Variants in SFTPA2 observed in about 807,000 individuals in gnomAD.
The protein encoded by SFTPA2 is surfactant protein A2.
Under a neutral mutation model 20.3 loss-of-function variants are expected in SFTPA2, and 21 were observed. That is an observed-to-expected ratio of 1.03 (90% CI 0.73 to 1.49). The LOEUF is 1.49. SFTPA2 is among the 40% of genes most tolerant of loss of function. The pLI, the probability that SFTPA2 is intolerant of heterozygous loss-of-function variation, is 0.00. For synonymous variants in SFTPA2, 116 were observed against 118.7 expected, an observed-to-expected ratio of 0.98 and a Z score of 0.15; for missense variants, 302 against 314.8, an observed-to-expected ratio of 0.96 and a Z score of 0.31.
Position 79,559,325 on chromosome 10 carries a change from G to T in SFTPA2, c.159C>A (p.Asp53Glu). 1 of 1,613,846 alleles carries T rather than the reference G, an allele frequency of 6.2e-7. No homozygotes were observed. Among genetic ancestry groups the T allele is most frequent in the East Asian group, 2.2e-5 (1 of 44,866 alleles). The change falls in exon 3 of 6, where the codon GAC (aspartate) becomes GAA (glutamate). Residue 53 changes from aspartate (D) to glutamate (E), a missense_variant. Coordinates refer to ENST00000372325, the MANE Select transcript of SFTPA2 (RefSeq NM_001098668.4). ...GCAGCACAGTACCTGGAGGGCCAGGGTCTCCTTTGACACCATCTCTCCCGT... is the reference window on the plus strand; with the variant it reads ...GCAGCACAGTACCTGGAGGGCCAGGTTCTCCTTTGACACCATCTCTCCCGT... ...GRDGRDGVKG[D>E]PGPPGPMGPP...
At chr10:79,558,230 T>C (rs1858921448) in intron 4 of SFTPA2, 101 bp from the exon 5 acceptor site, 3 of 1,607,118 alleles carry the variant, frequency 1.9e-6, no homozygotes, top group Non-Finnish European at 2.6e-6. Flanking sequence ...AACTCTGCCC[T>C]TTCATTGCTG....
At chr10:79,559,752 G>A in intron 2 of SFTPA2, 1 of 1,529,380 alleles carries the variant, frequency 6.5e-7, no homozygotes, top group Non-Finnish European at 8.8e-7. Flanking sequence ...GAAGAGTAAG[G>A]AGCTCTGGGG....
Position 79,557,439 on chromosome 10 carries a change from C to T in SFTPA2, c.517G>A (p.Ala173Thr). The change falls in exon 6 of 6, where the codon GCC (alanine) becomes ACC (threonine). Residue 173 changes from alanine to threonine, a missense_variant. Physicochemically the swap from Ala to Thr is moderately conservative, Grantham distance 58. Transcript: ENST00000372325. Reference protein sequence around the residue: ...AVPRNPEENEAIASFVKKYNT... With the variant: ...AVPRNPEENETIASFVKKYNT... ...TACTTCTTCACGAAGCTTGCAATGG[C>T]CTCATTTTCCTCTGGATTCCTTGGG... 6.2e-7 allele frequency: 1 copy of T among 1,613,862 alleles called. No homozygotes were observed. The highest frequency in any genetic ancestry group is 8.5e-7 in the Non-Finnish European group (1 of 1,179,838).
chr10:79,558,776 A>G (rs1858971420), intron 4 of SFTPA2, 110 bp downstream of exon 4: 1 of 1,584,248 alleles, frequency 6.3e-7, no homozygotes, highest in South Asian at 1.1e-5. Context: ...GGTTGAGCCA[A>G]ATGCCCTTGG....
rs757567925 is a variant in SFTPA2 at position 79,558,126 on chromosome 10, A to C, written c.296T>G (p.Leu99Arg). 2 of 1,613,840 alleles carry C rather than the reference A, an allele frequency of 1.2e-6. No individual in the cohort carries two copies. ...GAGCTCCTCATCTAGATGAGCTGGA[A>C]GCCCTGTGGAGAGTGCCCCACACAG... ...GEAGERGPPG[L>R]PAHLDEELQA... Residue 99 changes from leucine to arginine, a missense_variant, in exon 5 of 6, where the codon CTT (leucine) becomes CGT (arginine). Leu to Arg is a moderately radical substitution (Grantham distance 102, BLOSUM62 -2). Around this residue, in one of 3 missense-constraint regions of SFTPA2, gnomAD observed 264 missense variants for 261.7 expected, o/e 1.01. Transcript: ENST00000372325.
chr10:79,559,762 G>T, intron 2 of SFTPA2: 9 of 1,519,928 alleles, frequency 5.9e-6, no homozygotes, highest in Non-Finnish European at 7.9e-6. Context: ...GAGCTCTGGG[G>T]AGCCCAGGGA....
chr10:79,557,584 G>C lies in SFTPA2; in HGVS notation c.372C>G (p.Ala124=). 1 of 1,604,148 alleles carries C rather than the reference G, an allele frequency of 6.2e-7. No homozygotes were observed. The highest frequency in any genetic ancestry group is 2.2e-5 in the East Asian group (1 of 44,612). Reference sequence around the variant, plus strand: ...TCATTATGGAGCCCTGCAGACTGAGGGCTGAGAGCAGAGGAGTCCAGGTCA... The same window carrying C: ...TCATTATGGAGCCCTGCAGACTGAGCGCTGAGAGCAGAGGAGTCCAGGTCA... The part of the protein sequence containing the change: ...FRHQILQTRG[A]LSLQGSIMTV... Residue 124 remains alanine, a splice_region_variant and synonymous_variant, in exon 6 of 6, where the codon GCC becomes GCG. Coordinates refer to ENST00000372325, the MANE Select transcript of SFTPA2 (RefSeq NM_001098668.4).
In SFTPA2 at chr10:79,556,720, A is replaced by G. The variant is rs867821882; in HGVS notation, c.*489T>C. The G allele has an allele frequency of 5.3e-5, 12 of 227,300 alleles. No individual in the cohort carries two copies. The highest frequency in any genetic ancestry group is 1.7e-3 in the Middle Eastern group (1 of 578). The allele number at this position is 227,300 out of a possible 1,614,324, so 14.1% of individuals were successfully genotyped here. ...ATCTCCACTGTGTCCTTAGCTCCACACAGTCAGGGCTTCCCTGAAATCTGC... is the reference window on the plus strand; with the variant it reads ...ATCTCCACTGTGTCCTTAGCTCCACGCAGTCAGGGCTTCCCTGAAATCTGC... On this transcript the variant is annotated 3_prime_UTR_variant, in exon 6 of 6. Coordinates refer to ENST00000372325, the MANE Select transcript of SFTPA2 (RefSeq NM_001098668.4).
At position 79,558,932 on chromosome 10, in the gene SFTPA2, A is replaced by T. The variant is rs1416107490; in HGVS notation, c.246T>A (p.Pro82=). The T allele has an allele frequency of 1.2e-6, 2 of 1,613,860 alleles. No homozygotes were observed. The highest frequency in any genetic ancestry group is 2.7e-5 in the African/African-American group (2 of 74,842). The change falls in exon 4 of 6, where the codon CCT becomes CCA. Residue 82 remains proline, a synonymous_variant. Transcript: ENST00000372325. ...CCTCCCCCTTCTCTCCACGCTCTCC[A>T]GGGACACCAGGGGCTCCAGGCAGCC... is the stretch of plus-strand genomic sequence containing the variant. ...NNGLPGAPGV[P]GERGEKGEAG... is the part of the protein sequence containing the mutation.
rs1193599062 is a variant in SFTPA2, at chr10:79,558,959, A to C, written c.219T>G (p.Asn73Lys). Residue 73 changes from asparagine (N) to lysine (K), a missense_variant, in exon 4 of 6, where the codon AAT becomes AAG. This residue lies in a region of SFTPA2 where 264 missense variants were observed against 261.7 expected (regional missense o/e 1.01). Coordinates refer to ENST00000372325, the MANE Select transcript of SFTPA2 (RefSeq NM_001098668.4). Reference protein sequence around the residue: ...PGETPCPPGNNGLPGAPGVPG... With the variant: ...PGETPCPPGNKGLPGAPGVPG... ...GGACACCAGGGGCTCCAGGCAGCCC[A>C]TTATTCCCAGGAGGACATGGTGTTT... 6.2e-7 allele frequency: 1 copy of C among 1,613,930 alleles called. No homozygotes were observed. Among genetic ancestry groups the C allele is most frequent in the Admixed American group, 1.7e-5 (1 of 60,006 alleles).
intron 3 of SFTPA2, 126 bp downstream of exon 3, chr10:79,559,186 G>A: frequency 6.9e-7 from 1 of 1,440,220 alleles, no homozygotes; most frequent in Non-Finnish European, 9.6e-7. Context: ...CCTGCAGACT[G>A]AAGTCCCACC....
intron 3 of SFTPA2, 88 bp from the exon 4 acceptor site, chr10:79,559,093 C>T (rs1279487432): frequency 3.1e-6 from 5 of 1,612,584 alleles, no homozygotes; most frequent in Non-Finnish European, 2.5e-6. Context: ...ATCACCGGGG[C>T]TGGCTCAGCT....
At position 79,558,276 on chromosome 10, in the gene SFTPA2, A is replaced by C. The variant is rs918726549; in HGVS notation, c.293-147T>G. 3.0e-5 allele frequency: 46 copies of C among 1,549,410 alleles called. No individual in the cohort carries two copies. In the African/African-American group the frequency reaches 5.7e-4, roughly 19 times the overall value. ...CCCAGACCCTAGGCTCAGAGGGTCC[A>C]CGAGATTCCAGTGTGTCTCCACACC... On this transcript the variant is annotated intron_variant, in intron 4 of 5. Coordinates refer to ENST00000372325, the MANE Select transcript of SFTPA2 (RefSeq NM_001098668.4).
At position 79,557,330 on chromosome 10, in the gene SFTPA2, G is replaced by C; in HGVS notation, c.626C>G (p.Thr209Ser). The change falls in exon 6 of 6, where the codon ACC becomes AGC. Residue 209 changes from threonine (T) to serine (S), a missense_variant. Thr to Ser is a moderately conservative substitution (Grantham distance 58). Transcript: ENST00000372325. Reference protein sequence around the residue: ...RYSDGTPVNYTNWYRGEPAGR... With the variant: ...RYSDGTPVNYSNWYRGEPAGR... ...TGCAGGCTCCCCTCGGTACCAGTTG[G>C]TGTAGTTTACAGGGGTCCCATCTGA... The C allele has an allele frequency of 6.2e-7, 1 of 1,614,164 alleles. No individual in the cohort carries two copies. The highest frequency in any genetic ancestry group is 8.5e-7 in the Non-Finnish European group (1 of 1,180,024).
In SFTPA2 at chr10:79,558,961, T is replaced by C. The variant is rs200876030; in HGVS notation, c.217A>G (p.Asn73Asp). The C allele has an allele frequency of 1.8e-4, 297 of 1,613,678 alleles. 1 individual carries two copies. The highest frequency in any genetic ancestry group is 1.1e-3 in the East Asian group (50 of 44,858). ...PGETPCPPGN[N>D]GLPGAPGVPG... ...ACACCAGGGGCTCCAGGCAGCCCAT[T>C]ATTCCCAGGAGGACATGGTGTTTCT... The change falls in exon 4 of 6, where the codon AAT becomes GAT. Residue 73 changes from asparagine to aspartate, a missense_variant. By Grantham distance (23) the Asn-to-Asp change is conservative. Transcript: ENST00000372325.
At position 79,557,392 on chromosome 10, in the gene SFTPA2, G is replaced by A. The variant is rs746002194; in HGVS notation, c.564C>T (p.Gly188=). 2 of 1,614,018 alleles carry A rather than the reference G, an allele frequency of 1.2e-6. No individual in the cohort carries two copies. The highest frequency in any genetic ancestry group is 1.7e-5 in the Admixed American group (1 of 60,022). The change falls in exon 6 of 6, where the codon GGC becomes GGT. Residue 188 remains glycine (G), a synonymous_variant. Coordinates refer to ENST00000372325, the MANE Select transcript of SFTPA2 (RefSeq NM_001098668.4). ...CTCCAGGGCTGGGACCCTCAGTCAG[G>A]CCTACATAGGCATATGTGTTGTACT... The part of the protein sequence containing the change: ...VKKYNTYAYV[G]LTEGPSPGDF...
intron 5 of SFTPA2, 96 bp from the exon 6 acceptor site, chr10:79,557,681 C>G (rs981914161): frequency 6.3e-7 from 1 of 1,577,522 alleles, no homozygotes; most frequent in East Asian, 2.3e-5. Context: ...TCCCCAGTCT[C>G]TCCATCTCTG....
rs776080516 is a variant in SFTPA2, at chr10:79,557,401, G to A, written c.555C>T (p.Ala185=). The A allele has an allele frequency of 6.8e-6, 11 of 1,613,864 alleles. No individual in the cohort carries two copies. The highest frequency in any genetic ancestry group is 2.2e-5 in the South Asian group (2 of 91,078). Residue 185 remains alanine, a synonymous_variant, in exon 6 of 6, where the codon GCC becomes GCT. Coordinates refer to ENST00000372325, the MANE Select transcript of SFTPA2 (RefSeq NM_001098668.4). ...TGGGACCCTCAGTCAGGCCTACATA[G>A]GCATATGTGTTGTACTTCTTCACGA... The part of the protein sequence containing the change: ...ASFVKKYNTY[A]YVGLTEGPSP...
chr10:79,558,998 C>T lies in SFTPA2; in HGVS notation c.180G>A (p.Met60Ile), dbSNP rs1859005277. 1 of 1,614,146 alleles carries T rather than the reference C, an allele frequency of 6.2e-7. No individual in the cohort carries two copies. The highest frequency in any genetic ancestry group is 1.3e-5 in the African/African-American group (1 of 75,018). ...GACATGGTGTTTCTCCAGGCGGACC[C>T]ATGGGGCCTGCAGAGAAAAGAGACA... is the stretch of plus-strand genomic sequence containing the variant. ...VKGDPGPPGP[M>I]GPPGETPCPP... The change falls in exon 4 of 6, where the codon ATG (methionine) becomes ATA (isoleucine). Residue 60 changes from methionine to isoleucine, a missense_variant. Physicochemically the swap from Met to Ile is conservative, Grantham distance 10. Coordinates refer to ENST00000372325, the MANE Select transcript of SFTPA2 (RefSeq NM_001098668.4).
Sources: allele counts gnomAD v4.1 joint callset, GRCh38; gene constraint gnomAD v4.1.1; regional missense constraint gnomAD v4.1.1; transcripts MANE v1.5; gene names NCBI Gene and HGNC (gene_info 2026-07-23, HGNC 2026-07-21).